TET1: variants seen among roughly 807,000 people sequenced by gnomAD.
The protein encoded by TET1 is tet methylcytosine dioxygenase 1.
A neutral mutation model predicts 148.7 loss-of-function variants in TET1; 13 were observed. The ratio of observed to expected loss-of-function variants is 0.09; its 90% CI spans 0.06 to 0.14. The LOEUF (loss-of-function observed/expected upper bound fraction) is 0.14. Among genes scored for constraint, TET1 ranks in the 10% least tolerant of loss-of-function variants. The probability of loss-of-function intolerance (pLI) is 1.00; values close to 1 mark genes in which losing one functional copy is unlikely to be tolerated. For synonymous variants in TET1, 907 were observed against 937.2 expected (o/e 0.97, Z 0.59); for missense variants, 2,182 against 2,553.8 (o/e 0.85, Z 3.14).
chr10:68,590,557 C>T (rs2053907442), intron 2 of TET1, among the ~76,000 whole-genome samples: 1 of 152,060 alleles, frequency 6.6e-6, no homozygotes, highest in Non-Finnish European at 1.5e-5. Context: ...CAAGGATATC[C>T]TCGTTTTGTA....
rs746949432 is a variant in TET1 at position 68,645,122 on chromosome 10, C to T, written c.2393C>T (p.Ala798Val). 6.2e-7 allele frequency: 1 copy of T among 1,613,618 alleles called. No homozygotes were observed. ...TCTTATAAATTCCTAAAAGACACTG[C>T]AAACCATAAAAACGCTATGAGCTCT... Reference protein sequence around the residue: ...NNSYKFLKDTANHKNAMSSVA... With the variant: ...NNSYKFLKDTVNHKNAMSSVA... Residue 798 changes from alanine to valine, a missense_variant, in exon 4 of 12, where the codon GCA becomes GTA. By Grantham distance (64) the Ala-to-Val change is moderately conservative. Coordinates refer to ENST00000373644, the MANE Select transcript of TET1 (RefSeq NM_030625.3).
chr10:68,578,901 C>G (rs779635345), intron 2 of TET1, among the ~76,000 whole-genome samples: 1 of 152,024 alleles, frequency 6.6e-6, no homozygotes, highest in Admixed American at 6.6e-5. Context: ...CCTGTGGTCC[C>G]AGCTACTTGG....
chr10:68,564,902 A>C (rs981500653), intron 1 of TET1, among the ~76,000 whole-genome samples: 1 of 152,150 alleles, frequency 6.6e-6, no homozygotes, highest in African/African-American at 2.4e-5. Flanking sequence ...CTGTGCTTGT[A>C]ATTCCCGCTA....
At position 68,652,628 on chromosome 10, in the gene TET1, C is replaced by T. The variant is rs751982887; in HGVS notation, c.4461+34C>T. 6 of 1,426,948 alleles carry T rather than the reference C, an allele frequency of 4.2e-6. No homozygotes were observed. The African/African-American group carries it at 7.1e-5, about 17-fold the overall frequency. 88.4% of individuals were successfully genotyped at this position (1,426,948 alleles called of 1,614,324 possible). A position where few individuals can be genotyped will look rare whatever the true frequency, so the allele number is the denominator to read the frequency against. On this transcript the variant is annotated intron_variant, in intron 6 of 11. Transcript: ENST00000373644. ...TTCCTATTTATACATTTTTTTGAAG[C>T]TTGTTATTCCAGAGCTGATATTTAT...
Position 68,645,900 on chromosome 10 carries a change from A to G in TET1, c.3171A>G (p.Lys1057=). 1 of 1,614,106 alleles carries G rather than the reference A, an allele frequency of 6.2e-7. No individual in the cohort carries two copies. The highest frequency in any genetic ancestry group is 8.5e-7 in the Non-Finnish European group (1 of 1,180,024). ...YCNQLLDSSK[K]LDSDDLSCQD... ...ACCAGTTACTGGACAGCAGCAAAAAATTGGACTCAGATGATCTATCATGTC... is the reference window on the plus strand; with the variant it reads ...ACCAGTTACTGGACAGCAGCAAAAAGTTGGACTCAGATGATCTATCATGTC... The change falls in exon 4 of 12, where the codon AAA becomes AAG. Residue 1057 remains lysine (K), a synonymous_variant. Transcript: ENST00000373644.
chr10:68,622,867 C>T (rs945122545), intron 3 of TET1, among the ~76,000 whole-genome samples: 1 of 152,148 alleles, frequency 6.6e-6, no homozygotes, highest in Non-Finnish European at 1.5e-5. Context: ...GCGTGAGCTA[C>T]TGCTCTTGGC....
At chr10:68,625,618 AT>A (rs2054466317) in intron 3 of TET1, among the ~76,000 whole-genome samples, 1 of 152,308 alleles carries the variant, frequency 6.6e-6, no homozygotes, top group Non-Finnish European at 1.5e-5. Context: ...ACCTATTTTC[AT>A]AAAAAGCCTT....
chr10:68,619,426 T>C (rs2054338975), intron 3 of TET1, among the ~76,000 whole-genome samples: 1 of 151,930 alleles, frequency 6.6e-6, no homozygotes, highest in African/African-American at 2.4e-5. Context: ...GACAGAGGGG[T>C]CTCACTTTTT....
chr10:68,629,839 AG>A (rs2054543079), intron 3 of TET1, among the ~76,000 whole-genome samples: 1 of 152,180 alleles, frequency 6.6e-6, no homozygotes, highest in African/African-American at 2.4e-5. Flanking sequence ...CCCAGCCAAA[AG>A]TATATTATTA....
chr10:68,651,276 C>A (rs945048115), intron 4 of TET1, among the ~76,000 whole-genome samples: 2 of 151,914 alleles, frequency 1.3e-5, no homozygotes, highest in Admixed American at 1.3e-4. Flanking sequence ...GGTGAAACCC[C>A]GTCTCTACTA....
At chr10:68,671,972 G>C (rs903657950) in intron 7 of TET1, among the ~76,000 whole-genome samples, 4 of 152,048 alleles carry the variant, frequency 2.6e-5, no homozygotes, top group Non-Finnish European at 4.4e-5. Context: ...TTGAACTCCT[G>C]ACCTCATGAT....
Position 68,645,070 on chromosome 10 carries a change from G to C in TET1, c.2341G>C (p.Glu781Gln). Residue 781 changes from glutamate to glutamine, a missense_variant, in exon 4 of 12, where the codon GAA becomes CAA. By Grantham distance (29) the Glu-to-Gln change is conservative. This residue lies in a region of TET1 where 226 missense variants were observed against 307.4 expected (regional missense o/e 0.74). Coordinates refer to ENST00000373644, the MANE Select transcript of TET1 (RefSeq NM_030625.3). ...NVSFKKFNIE[E>Q]FGKTLENNSY... is the part of the protein sequence containing the mutation. Reference sequence around the variant, plus strand: ...TTCATTTAAAAAATTCAATATTGAAGAATTCGGCAAGACATTGGAAAACAA... The same window carrying C: ...TTCATTTAAAAAATTCAATATTGAACAATTCGGCAAGACATTGGAAAACAA... 6.2e-7 allele frequency: 1 copy of C among 1,612,452 alleles called. No individual in the cohort carries two copies.
At chr10:68,611,497 A>C (rs2054209594) in intron 3 of TET1, among the ~76,000 whole-genome samples, 1 of 151,028 alleles carries the variant, frequency 6.6e-6, no homozygotes, top group African/African-American at 2.4e-5. Context: ...TCAAGAAAAA[A>C]ATAAGTGGGT....
chr10:68,596,312 G>A (rs2053988976), intron 2 of TET1, among the ~76,000 whole-genome samples: 1 of 151,708 alleles, frequency 6.6e-6, no homozygotes, highest in Non-Finnish European at 1.5e-5. Context: ...TTAGAAGTGG[G>A]ATCAACTCAA....
intron 3 of TET1, among the ~76,000 whole-genome samples, chr10:68,624,602 C>CTCTCTCTTTCTTTCTT (rs2054426665): frequency 8.8e-6 from 1 of 113,952 alleles, no homozygotes; most frequent in South Asian, 3.4e-4. Flanking sequence ...TTTTCTTTTT[C>CTCTCTCTTTCTTTCTT]TCTTTCTTTC....
intron 1 of TET1, among the ~76,000 whole-genome samples, chr10:68,562,658 C>G (rs1439737738): frequency 7.0e-6 from 1 of 141,898 alleles, no homozygotes; most frequent in Non-Finnish European, 1.5e-5. Flanking sequence ...GGGACTGCCA[C>G]TTTCCATTTT....
intron 4 of TET1, among the ~76,000 whole-genome samples, chr10:68,650,648 A>G (rs544848266): frequency 6.6e-6 from 1 of 151,952 alleles, no homozygotes; most frequent in East Asian, 1.9e-4. Context: ...ATAATAATAA[A>G]AAATAAAGGT....
intron 1 of TET1, 69 bp from the exon 2 acceptor site, chr10:68,572,148 A>G: frequency 1.8e-6 from 1 of 557,856 alleles, no homozygotes; most frequent in East Asian, 3.0e-5. Context: ...TTAGTAGTGA[A>G]TATTCTATTT....
chr10:68,667,250 A>G lies in TET1; in HGVS notation c.4667A>G (p.Asn1556Ser), dbSNP rs1564501627. Residue 1556 changes from asparagine to serine, a missense_variant, in exon 7 of 12, where the codon AAT becomes AGT. Coordinates refer to ENST00000373644, the MANE Select transcript of TET1 (RefSeq NM_030625.3). ...CCTACCGACAGAAGATGCACCCTCA[A>G]TGAAAAGTAATTAAATCTGTTTTAT... ...GHPTDRRCTL[N>S]ENRTCTCQGI... is the part of the protein sequence containing the mutation. 2 of 1,610,936 alleles carry G rather than the reference A, an allele frequency of 1.2e-6. No homozygotes were observed. Among genetic ancestry groups the G allele is most frequent in the Non-Finnish European group, 8.5e-7 (1 of 1,178,478 alleles).
Sources: gnomAD v4.1 joint callset for allele counts (sites outside exome capture counted in the v4.1 genomes callset) on GRCh38, gnomAD v4.1.1 for gene constraint, gnomAD v4.1.1 regional missense constraint, MANE v1.5 for transcripts, NCBI Gene and HGNC (gene_info 2026-07-23, HGNC 2026-07-21) for gene names.